Variants in MAEL observed in about 807,000 individuals in gnomAD.
The protein encoded by MAEL is protein maelstrom homolog.
MAEL carries 46 observed loss-of-function variants against 62.0 expected under a neutral mutation model. The observed-to-expected ratio is 0.74, with a 90% confidence interval of 0.59 to 0.95. The LOEUF is 0.95. Ranked by LOEUF, MAEL falls within the 40% of genes least tolerant of loss-of-function variation. The pLI, the probability that MAEL is intolerant of heterozygous loss-of-function variation, is 0.00. For synonymous variants in MAEL, 172 were observed against 175.5 expected (o/e 0.98, Z 0.16); for missense variants, 497 against 526.8 (o/e 0.94, Z 0.55).
chr1:166,994,201 A>G (rs868677702), intron 5 of MAEL, 132 bp downstream of exon 5: 11 of 733,604 alleles, frequency 1.5e-5, no homozygotes, highest in Non-Finnish European at 2.2e-5. Context: ...ATCTGCATAG[A>G]TGTGATAGAT....
intron 1 of MAEL, among the ~76,000 whole-genome samples, chr1:166,978,944 G>T (rs1317407544): frequency 6.6e-6 from 1 of 152,162 alleles, no homozygotes; most frequent in Non-Finnish European, 1.5e-5. Context: ...TGTATGTGGT[G>T]GGGGGACTAA....
At chr1:166,975,850 G>A (rs762837739) in intron 1 of MAEL, among the ~76,000 whole-genome samples, 4 of 152,132 alleles carry the variant, frequency 2.6e-5, no homozygotes, top group Admixed American at 6.5e-5. Context: ...GAGCAGGGGA[G>A]CCTGTGTCTG....
chr1:166,996,882 A>G (rs1046580228), intron 5 of MAEL, among the ~76,000 whole-genome samples: 1 of 151,982 alleles, frequency 6.6e-6, no homozygotes, highest in South Asian at 2.1e-4. Context: ...GCTGGAGTGC[A>G]GTGGCATGAT....
At chr1:166,997,129 CT>C (rs1006857712) in intron 5 of MAEL, among the ~76,000 whole-genome samples, 6 of 152,302 alleles carry the variant, frequency 3.9e-5, no homozygotes, top group African/African-American at 1.4e-4. Flanking sequence ...CCTGGCCCCC[CT>C]GGGCCACATT....
At chr1:167,002,619 A>G (rs2102092773) in intron 5 of MAEL, among the ~76,000 whole-genome samples, 1 of 152,294 alleles carries the variant, frequency 6.6e-6, no homozygotes, top group South Asian at 2.1e-4. Context: ...TCATGGATTG[A>G]GGTGGTTTTA....
At position 167,016,264 on chromosome 1, in the gene MAEL, A is replaced by G. The variant is rs769756274; in HGVS notation, c.888A>G (p.Leu296=). ...AAAATGATATTCTCTTCTGTGCTTTAGCTGTTTGCAAGAAGATTGCGTAAG... is the reference window on the plus strand; with the variant it reads ...AAAATGATATTCTCTTCTGTGCTTTGGCTGTTTGCAAGAAGATTGCGTAAG... ...HEENDILFCA[L]AVCKKIAYCI... Residue 296 remains leucine (L), a synonymous_variant, in exon 9 of 12, where the codon TTA becomes TTG. Transcript: ENST00000367872. 1 of 1,613,676 alleles carries G rather than the reference A, an allele frequency of 6.2e-7. No homozygotes were observed. The highest frequency in any genetic ancestry group is 1.1e-5 in the South Asian group (1 of 91,064).
At chr1:166,978,328 G>T (rs1663656168) in intron 1 of MAEL, among the ~76,000 whole-genome samples, 1 of 152,198 alleles carries the variant, frequency 6.6e-6, no homozygotes, top group South Asian at 2.1e-4. Context: ...CACAATGTGT[G>T]CCCCTCCATC....
intron 10 of MAEL, among the ~76,000 whole-genome samples, chr1:167,020,883 C>T (rs1041249964): frequency 1.3e-5 from 2 of 152,154 alleles, no homozygotes; most frequent in Middle Eastern, 3.4e-3. Context: ...AAGGCAAACC[C>T]TTTTTTGCCC....
At chr1:167,003,446 T>G (rs1334262059) in intron 5 of MAEL, among the ~76,000 whole-genome samples, 7 of 152,192 alleles carry the variant, frequency 4.6e-5, no homozygotes. Flanking sequence ...AGTAATGATT[T>G]CAGAGTCATT....
At chr1:166,998,389 C>A (rs1664517636) in intron 5 of MAEL, among the ~76,000 whole-genome samples, 1 of 152,016 alleles carries the variant, frequency 6.6e-6, no homozygotes, top group Non-Finnish European at 1.5e-5. Flanking sequence ...CAAATGATAT[C>A]CCTTGAAATT....
chr1:166,998,819 A>G (rs1295984453), intron 5 of MAEL, among the ~76,000 whole-genome samples: 1 of 152,070 alleles, frequency 6.6e-6, no homozygotes. Flanking sequence ...GCATGTGCTT[A>G]CTTTTCTCTG....
chr1:166,989,763 A>G lies in MAEL; in HGVS notation c.159A>G (p.Lys53=). The change falls in exon 2 of 12, where the codon AAA becomes AAG. Residue 53 remains lysine (K), a synonymous_variant. Transcript: ENST00000367872. The part of the protein sequence containing the change: ...WALLREEEKE[K]YAEMAREWRA... ...TTCTGAGGGAGGAAGAAAAGGAGAA[A>G]TACGCAGAAATGGCTCGAGAATGGA... 6.2e-7 allele frequency: 1 copy of G among 1,614,052 alleles called. No homozygotes were observed. Among genetic ancestry groups the G allele is most frequent in the Non-Finnish European group, 8.5e-7 (1 of 1,179,998 alleles).
At chr1:167,011,345 C>T (rs1156434377) in intron 8 of MAEL, among the ~76,000 whole-genome samples, 2 of 151,050 alleles carry the variant, frequency 1.3e-5, no homozygotes, top group East Asian at 2.0e-4. Context: ...GTTTTCCCCA[C>T]GTTTGTTGTT....
chr1:167,005,183 T>C (rs1041238), intron 7 of MAEL, 53 bp downstream of exon 7: 220,124 of 1,609,602 alleles, frequency 0.14, 15,620 homozygotes, highest in East Asian at 0.23. Context: ...ATATCTGTAT[T>C]TGTTTCCACT....
At chr1:167,020,883 C>A (rs1041249964) in intron 10 of MAEL, among the ~76,000 whole-genome samples, 1 of 152,036 alleles carries the variant, frequency 6.6e-6, no homozygotes, top group African/African-American at 2.4e-5. Flanking sequence ...AAGGCAAACC[C>A]TTTTTTGCCC....
intron 8 of MAEL, among the ~76,000 whole-genome samples, chr1:167,014,742 G>A (rs1471000719): frequency 6.6e-6 from 1 of 152,188 alleles, no homozygotes; most frequent in East Asian, 1.9e-4. Flanking sequence ...ATGAAAGCCT[G>A]CCAGGCGCAG....
intron 7 of MAEL, 60 bp downstream of exon 7, chr1:167,005,190 C>T (rs1664839766): frequency 6.2e-7 from 1 of 1,609,184 alleles, no homozygotes; most frequent in Non-Finnish European, 8.5e-7. Context: ...TATTTGTTTC[C>T]ACTTTGATAT....
At chr1:167,008,521 TTG>T (rs1665027674) in intron 8 of MAEL, among the ~76,000 whole-genome samples, 1 of 152,062 alleles carries the variant, frequency 6.6e-6, no homozygotes, top group African/African-American at 2.4e-5. Context: ...AGCAAATGTG[TTG>T]TCTTTTTTAA....
intron 5 of MAEL, among the ~76,000 whole-genome samples, chr1:167,001,057 A>G (rs1312616075): frequency 1.3e-5 from 2 of 152,234 alleles, no homozygotes; most frequent in Admixed American, 6.5e-5. Flanking sequence ...ATGTGTGTAT[A>G]TATATGATGG....
Sources: allele counts gnomAD v4.1 joint callset (sites outside exome capture counted in the v4.1 genomes callset), GRCh38; gene constraint gnomAD v4.1.1; transcripts MANE v1.5; gene names NCBI Gene and HGNC (gene_info 2026-07-23, HGNC 2026-07-21).